Variants in EDRF1 observed in about 807,000 individuals in gnomAD.
The protein encoded by EDRF1 is erythroid differentiation-related factor 1.
In EDRF1, 69 loss-of-function variants were observed where a neutral mutation model predicts 148.7. That is an observed-to-expected ratio of 0.46 (90% CI 0.38 to 0.57). EDRF1 has a LOEUF of 0.57. Among genes scored for constraint, EDRF1 ranks in the 20% least tolerant of loss-of-function variants. The pLI is 0.00. For synonymous variants in EDRF1, 515 were observed against 532.8 expected (o/e 0.97, Z 0.46); for missense variants, 1,118 against 1,478.7 (o/e 0.76, Z 4.00).
chr10:125,741,301 T>C lies in EDRF1; in HGVS notation c.2371+100T>C, dbSNP rs182442831. On this transcript the variant is annotated intron_variant, in intron 17 of 24. Transcript: ENST00000356792. ...AAAAGGGGTAGAAATATTAGAGTTT[T>C]GATATTTGCTCTGTATTTATTTATT... The C allele has an allele frequency of 1.2e-4, 129 of 1,075,810 alleles. 1 individual carries two copies. The African/African-American group carries it at 1.6e-3, about 14-fold the overall frequency. 66.6% of individuals were successfully genotyped at this position (1,075,810 alleles called of 1,614,324 possible). A position where few individuals can be genotyped will look rare whatever the true frequency, so the allele number is the denominator to read the frequency against.
At chr10:125,733,020 T>C (rs1158744108) in intron 9 of EDRF1, among the ~76,000 whole-genome samples, 1 of 152,278 alleles carries the variant, frequency 6.6e-6, no homozygotes, top group Non-Finnish European at 1.5e-5. Context: ...CAGAAATACA[T>C]GTGTTTTAAA....
chr10:125,752,219 G>A (rs1249337697), intron 22 of EDRF1: 4 of 153,786 alleles, frequency 2.6e-5, no homozygotes, highest in African/African-American at 9.7e-5. Context: ...TACCTTCTGG[G>A]AGCCAAGGAC....
chr10:125,735,929 A>G lies in EDRF1; in HGVS notation c.1758+25A>G, dbSNP rs768422427. The G allele has an allele frequency of 1.9e-6, 3 of 1,569,840 alleles. No individual in the cohort carries two copies. In the African/African-American group the frequency reaches 4.1e-5, roughly 21 times the overall value. ...AGTAAGCCTTTAGAATTTATATTAA[A>G]TTTTTATCAAGGAAACATAATTGTT... On this transcript the variant is annotated intron_variant, in intron 13 of 24. Coordinates refer to ENST00000356792, the MANE Select transcript of EDRF1 (RefSeq NM_001202438.2).
At chr10:125,725,630 C>T (rs1261351628) in intron 5 of EDRF1, 52 bp from the exon 6 acceptor site, 16 of 1,609,152 alleles carry the variant, frequency 9.9e-6, no homozygotes, top group Non-Finnish European at 1.4e-5. Flanking sequence ...TAGACTGTTG[C>T]ATGAAGTTAA....
chr10:125,733,294 A>G, intron 9 of EDRF1, 110 bp from the exon 10 acceptor site: 3 of 823,524 alleles, frequency 3.6e-6, no homozygotes, highest in East Asian at 2.8e-5. Context: ...CTTTCATGCT[A>G]CATAGGTCTC....
rs116179201 is a variant in EDRF1, at chr10:125,744,019, C to G, written c.2590+743C>G. ...GTATGTGAAAGGTATAATTTGTAGT[C>G]AATTTGAAGTGTGCTAAGAGCTGTA... On this transcript the variant is annotated intron_variant, in intron 18 of 24. Coordinates refer to ENST00000356792, the MANE Select transcript of EDRF1 (RefSeq NM_001202438.2). Among the ~76,000 whole-genome samples, 1,406 of 152,116 alleles carry G rather than the reference C, an allele frequency of 9.2e-3. 25 individuals carry two copies. Among genetic ancestry groups the G allele is most frequent in the African/African-American group, 0.033 (1,363 of 41,466 alleles).
intron 19 of EDRF1, among the ~76,000 whole-genome samples, 189 bp downstream of exon 19, chr10:125,746,119 A>G (rs1206704132): frequency 6.6e-6 from 1 of 152,230 alleles, no homozygotes; most frequent in African/African-American, 2.4e-5. Context: ...TGAAGATGAC[A>G]TGTGGAATTG....
intron 13 of EDRF1, among the ~76,000 whole-genome samples, chr10:125,736,701 G>GT (rs1213662674): frequency 6.6e-6 from 1 of 151,520 alleles, no homozygotes; most frequent in Non-Finnish European, 1.5e-5. Context: ...GCCATGCTGG[G>GT]TTTTTTTTCT....
chr10:125,728,967 C>T, intron 6 of EDRF1, 36 bp from the exon 7 acceptor site: 9 of 1,483,432 alleles, frequency 6.1e-6, no homozygotes, highest in African/African-American at 1.4e-5. Flanking sequence ...GAAATGTTGA[C>T]AGCAGAATCA....
At position 125,745,826 on chromosome 10, in the gene EDRF1, T is replaced by G; in HGVS notation, c.2710T>G (p.Cys904Gly). 1 of 1,614,258 alleles carries G rather than the reference T, an allele frequency of 6.2e-7. No individual in the cohort carries two copies. The highest frequency in any genetic ancestry group is 8.5e-7 in the Non-Finnish European group (1 of 1,180,046). Residue 904 changes from cysteine (C) to glycine (G), a missense_variant, in exon 19 of 25, where the codon TGT becomes GGT. By Grantham distance (159) the Cys-to-Gly change is radical. This residue lies in a region of EDRF1 where 954 missense variants were observed against 1,241.4 expected (regional missense o/e 0.77). Coordinates refer to ENST00000356792, the MANE Select transcript of EDRF1 (RefSeq NM_001202438.2). The part of the protein sequence containing the change: ...EDATNAALLL[C>G]NTGRLMRICA... ...TGCCACCAATGCCGCCCTTTTATTATGTAACACGGGAAGGCTCATGCGGAT... is the reference window on the plus strand; with the variant it reads ...TGCCACCAATGCCGCCCTTTTATTAGGTAACACGGGAAGGCTCATGCGGAT...
chr10:125,745,716 C>G lies in EDRF1; in HGVS notation c.2600C>G (p.Ser867Cys), dbSNP rs2133736764. 6.2e-7 allele frequency: 1 copy of G among 1,614,162 alleles called. No homozygotes were observed. The highest frequency in any genetic ancestry group is 8.5e-7 in the Non-Finnish European group (1 of 1,180,002). The change falls in exon 19 of 25, where the codon TCT becomes TGT. Residue 867 changes from serine (S) to cysteine (C), a missense_variant. Around this residue, in one of 3 missense-constraint regions of EDRF1, gnomAD observed 954 missense variants for 1,241.4 expected, o/e 0.77. Coordinates refer to ENST00000356792, the MANE Select transcript of EDRF1 (RefSeq NM_001202438.2). Reference sequence around the variant, plus strand: ...TTCTTTCTCTGTAAAGTGAGCAAATCTGTGTCTGCTGCCGAGCAACAGTTG... The same window carrying G: ...TTCTTTCTCTGTAAAGTGAGCAAATGTGTGTCTGCTGCCGAGCAACAGTTG... ...ALQSERLVSK[S>C]VSAAEQQLWK...
chr10:125,747,465 G>A, intron 19 of EDRF1, 71 bp from the exon 20 acceptor site: 1 of 1,524,062 alleles, frequency 6.6e-7, no homozygotes, highest in South Asian at 1.1e-5. Flanking sequence ...TGTGAAGTGT[G>A]TTTTATTTTA....
intron 12 of EDRF1, 38 bp from the exon 13 acceptor site, chr10:125,735,606 T>C: frequency 6.3e-7 from 1 of 1,599,618 alleles, no homozygotes; most frequent in Admixed American, 1.7e-5. Flanking sequence ...TATTTTTTGA[T>C]GACAGTAATT....
At chr10:125,741,327 T>G in intron 17 of EDRF1, 126 bp downstream of exon 17, 1 of 1,012,674 alleles carries the variant, frequency 9.9e-7, no homozygotes, top group Non-Finnish European at 1.5e-6. Context: ...TTTATTTATT[T>G]ATTTTTTGAG....
At chr10:125,721,525 A>G (rs565222855) in intron 2 of EDRF1, 113 bp downstream of exon 2, 2 of 1,014,886 alleles carry the variant, frequency 2.0e-6, no homozygotes, top group Admixed American at 2.0e-5. Context: ...TTCTCTTTAG[A>G]GAAAGATCAC....
At chr10:125,730,522 A>G (rs2133688056) in intron 9 of EDRF1, 123 bp downstream of exon 9, 1 of 761,264 alleles carries the variant, frequency 1.3e-6, no homozygotes, top group East Asian at 2.6e-5. Context: ...AGCTGTGAAT[A>G]AACTGAATTT....
At position 125,763,562 on chromosome 10, in the gene EDRF1, G is replaced by A; in HGVS notation, c.*90G>A. On this transcript the variant is annotated 3_prime_UTR_variant, in exon 25 of 25. Coordinates refer to ENST00000356792, the MANE Select transcript of EDRF1 (RefSeq NM_001202438.2). This position sits in a 1 kb window ranked among gnomAD's most constrained non-coding sequence, Gnocchi z 4.3. ...GGTGCTTTGTTTCATTAAATAATAG[G>A]GAAATATCCATTTAAAACAGGTATA... is the stretch of plus-strand genomic sequence containing the variant. 1.5e-6 allele frequency: 2 copies of A among 1,376,982 alleles called. No homozygotes were observed. The highest frequency in any genetic ancestry group is 1.4e-5 in the African/African-American group (1 of 69,786). 85.3% of individuals were successfully genotyped at this position (1,376,982 alleles called of 1,614,324 possible).
At chr10:125,740,153 C>G (rs1439892211) in intron 15 of EDRF1, among the ~76,000 whole-genome samples, 1 of 152,174 alleles carries the variant, frequency 6.6e-6, no homozygotes, top group East Asian at 1.9e-4. Flanking sequence ...GGAAGGTAAA[C>G]TTTGACAGGT....
chr10:125,742,181 C>T (rs1007676605), intron 17 of EDRF1: 3 of 1,255,258 alleles, frequency 2.4e-6, no homozygotes, highest in African/African-American at 1.5e-5. Context: ...TCATAGCCAC[C>T]TGTCTTGCTT....
Sources: gnomAD v4.1 joint callset for allele counts (sites outside exome capture counted in the v4.1 genomes callset) on GRCh38, gnomAD v4.1.1 for gene constraint, gnomAD v4.1.1 regional missense constraint, Gnocchi (gnomAD v3.1) non-coding constraint, MANE v1.5 for transcripts, NCBI Gene and HGNC (gene_info 2026-07-23, HGNC 2026-07-21) for gene names.